The following FBXO16 variants were observed in gnomAD, a reference collection of about 807,000 sequenced individuals.
FBXO16 encodes F-box only protein 16.
A neutral mutation model predicts 41.0 loss-of-function variants in FBXO16; 31 were observed. The ratio of observed to expected loss-of-function variants is 0.76; its 90% CI spans 0.57 to 1.02. The LOEUF is 1.02. FBXO16 is among the 50% of genes least tolerant of loss of function. FBXO16 has a pLI of 0.00. For missense variants in FBXO16, 361 were observed against 346.2 expected, an observed-to-expected ratio of 1.04 and a Z score of -0.34; for synonymous variants, 133 against 117.8, an observed-to-expected ratio of 1.13 and a Z score of -0.84.
At chr8:28,468,221 C>CGGTA (rs947910652) in intron 3 of FBXO16, among the ~76,000 whole-genome samples, 4 of 152,156 alleles carry the variant, frequency 2.6e-5, no homozygotes, top group African/African-American at 9.7e-5. Context: ...GCATCATGTA[C>CGGTA]GGTACCTTGC....
chr8:28,471,799 G>T (rs1408324473), intron 3 of FBXO16, among the ~76,000 whole-genome samples: 4 of 20,954 alleles, frequency 1.9e-4, no homozygotes, highest in East Asian at 3.3e-3. Flanking sequence ...AGAAAACAGA[G>T]AATCTCAAAA....
In FBXO16 at chr8:28,428,589, T is replaced by C; in HGVS notation, c.*138A>G. 6.4e-7 allele frequency: 1 copy of C among 1,551,126 alleles called. No homozygotes were observed. The highest frequency in any genetic ancestry group is 2.4e-5 in the East Asian group (1 of 40,886). On this transcript the variant is annotated 3_prime_UTR_variant, in exon 9 of 9. Transcript: ENST00000380254. ...GTCCACTTTGGCTCTGGAACCTGGA[T>C]GAGTCATGCTTGGGGCCCAGGGTGC...
intron 7 of FBXO16, among the ~76,000 whole-genome samples, chr8:28,436,485 A>G (rs1466799989): frequency 6.6e-6 from 1 of 152,218 alleles, no homozygotes; most frequent in African/African-American, 2.4e-5. Context: ...ACCTTGGGGT[A>G]ATATTTTTAG....
intron 5 of FBXO16, among the ~76,000 whole-genome samples, chr8:28,453,701 C>T (rs956588645): frequency 6.6e-6 from 1 of 151,886 alleles, no homozygotes; most frequent in Non-Finnish European, 1.5e-5. Context: ...GTTTCTCACC[C>T]TTGTTTCAAC....
At chr8:28,458,370 G>A (rs779745900) in intron 4 of FBXO16, among the ~76,000 whole-genome samples, 42 of 152,094 alleles carry the variant, frequency 2.8e-4, no homozygotes, top group Non-Finnish European at 6.0e-4. Flanking sequence ...ATACAGCCCT[G>A]CAGGCAGCAA....
chr8:28,485,666 G>T (rs1221887154), intron 1 of FBXO16, among the ~76,000 whole-genome samples: 1 of 152,196 alleles, frequency 6.6e-6, no homozygotes, highest in East Asian at 1.9e-4. Flanking sequence ...ACTGGAATGA[G>T]GGGCACTCAG....
At chr8:28,484,670 C>T (rs192134979) in intron 1 of FBXO16, among the ~76,000 whole-genome samples, 4 of 152,348 alleles carry the variant, frequency 2.6e-5, no homozygotes, top group Non-Finnish European at 4.4e-5. Context: ...CGGCTCACTG[C>T]AAGCTCCGCC....
At chr8:28,435,718 T>C (rs985657618) in intron 7 of FBXO16, among the ~76,000 whole-genome samples, 8 of 151,724 alleles carry the variant, frequency 5.3e-5, no homozygotes, top group African/African-American at 1.9e-4. Flanking sequence ...TAGGAAAGGG[T>C]AGGTACATGT....
chr8:28,466,547 T>C (rs1803244861), intron 3 of FBXO16, among the ~76,000 whole-genome samples: 1 of 151,460 alleles, frequency 6.6e-6, no homozygotes, highest in Admixed American at 6.6e-5. Flanking sequence ...ATCCCAGCAC[T>C]TTGGGAGGCC....
chr8:28,466,068 C>T (rs1317537749), intron 3 of FBXO16, among the ~76,000 whole-genome samples: 4 of 151,948 alleles, frequency 2.6e-5, no homozygotes, highest in African/African-American at 7.3e-5. Flanking sequence ...GGAGAAACCC[C>T]GTCTCTACTG....
chr8:28,449,753 C>G (rs1177852502), intron 6 of FBXO16, among the ~76,000 whole-genome samples: 2 of 151,880 alleles, frequency 1.3e-5, no homozygotes, highest in Non-Finnish European at 2.9e-5. Flanking sequence ...GTGTGAGGAT[C>G]ATGAGGTTAG....
intron 1 of FBXO16, among the ~76,000 whole-genome samples, chr8:28,488,262 G>A (rs1328854913): frequency 6.7e-6 from 1 of 149,514 alleles, no homozygotes; most frequent in African/African-American, 2.5e-5. Flanking sequence ...TGGGTCCCCT[G>A]GCCACATACT....
chr8:28,430,926 G>A (rs994138738), intron 7 of FBXO16, among the ~76,000 whole-genome samples: 6 of 152,048 alleles, frequency 3.9e-5, no homozygotes, highest in African/African-American at 7.2e-5. Context: ...GAGCAAGACC[G>A]CGCCATTGCA....
chr8:28,458,497 G>C (rs1451651151), intron 4 of FBXO16, among the ~76,000 whole-genome samples: 1 of 151,718 alleles, frequency 6.6e-6, no homozygotes, highest in Non-Finnish European at 1.5e-5. Context: ...AGGGAAGGGG[G>C]AGAAAAGTCT....
chr8:28,465,297 T>G, intron 3 of FBXO16: 1 of 395,918 alleles, frequency 2.5e-6, no homozygotes, highest in Non-Finnish European at 5.1e-6. Flanking sequence ...CAGAGGAGGT[T>G]GGTTGGCTTC....
chr8:28,468,467 T>C (rs1344373747), intron 3 of FBXO16, among the ~76,000 whole-genome samples: 3 of 152,190 alleles, frequency 2.0e-5, no homozygotes, highest in Non-Finnish European at 2.9e-5. Flanking sequence ...CGATCTCTTC[T>C]GGTTGAGTTT....
intron 4 of FBXO16, among the ~76,000 whole-genome samples, chr8:28,458,544 CTTTTTTT>C (rs34617439): frequency 1.0e-4 from 9 of 87,608 alleles, no homozygotes; most frequent in East Asian, 4.1e-4. Flanking sequence ...TCTTCTTCTT[CTTTTTTT>C]TTTTTTTTTT....
intron 7 of FBXO16, among the ~76,000 whole-genome samples, chr8:28,430,227 C>T (rs936999853): frequency 6.6e-6 from 1 of 152,160 alleles, no homozygotes; most frequent in African/African-American, 2.4e-5. Context: ...TATGCACAAC[C>T]ATGCCTGGCT....
At chr8:28,447,076 G>T in intron 7 of FBXO16, 95 bp downstream of exon 7, 1 of 1,168,320 alleles carries the variant, frequency 8.6e-7, no homozygotes, top group Non-Finnish European at 1.2e-6. Flanking sequence ...CCATGATTCT[G>T]ATTAAATAAA....
Sources: allele counts gnomAD v4.1 joint callset (sites outside exome capture counted in the v4.1 genomes callset), GRCh38; gene constraint gnomAD v4.1.1; transcripts MANE v1.5; gene names NCBI Gene and HGNC (gene_info 2026-07-23, HGNC 2026-07-21).